ADGRD1: variants seen among roughly 807,000 people sequenced by gnomAD.
ADGRD1 encodes G-protein coupled receptor 133.
ADGRD1 carries 77 observed loss-of-function variants against 113.4 expected under a neutral mutation model. The ratio of observed to expected loss-of-function variants is 0.68; its 90% CI spans 0.57 to 0.82. ADGRD1 has a LOEUF of 0.82. ADGRD1 is among the 40% of genes least tolerant of loss of function. The pLI, the probability that ADGRD1 is intolerant of heterozygous loss-of-function variation, is 0.00. For missense variants in ADGRD1, 1,036 were observed against 1,139.1 expected (o/e 0.91, Z 1.30); for synonymous variants, 474 against 475.0 (o/e 1.00, Z 0.03).
chr12:131,070,190 G>A (rs1156883215), intron 13 of ADGRD1: 1 of 152,544 alleles, frequency 6.6e-6, no homozygotes, highest in Non-Finnish European at 1.5e-5. Context: ...CTTAGCGTTG[G>A]GGGACCTGTC....
At chr12:130,988,836 A>T (rs910331925) in intron 6 of ADGRD1, 1 of 152,244 alleles carries the variant, frequency 6.6e-6, no homozygotes, top group Non-Finnish European at 1.5e-5. Context: ...ACATTTATCC[A>T]TGCACCTTCC....
chr12:131,095,090 A>C (rs1199108215), intron 15 of ADGRD1, among the ~76,000 whole-genome samples: 5 of 152,058 alleles, frequency 3.3e-5, no homozygotes, highest in African/African-American at 1.2e-4. Context: ...AACAGGGCTG[A>C]CACCTGCCAC....
intron 17 of ADGRD1, among the ~76,000 whole-genome samples, 163 bp from the exon 18 acceptor site, chr12:131,108,561 A>C (rs182689016): frequency 6.6e-5 from 10 of 152,212 alleles, no homozygotes; most frequent in African/African-American, 1.9e-4. Flanking sequence ...CAAGCGCTAC[A>C]CCCAAATCCC....
chr12:131,028,737 C>T (rs564666813), intron 13 of ADGRD1, among the ~76,000 whole-genome samples: 58 of 152,276 alleles, frequency 3.8e-4, no homozygotes, highest in Middle Eastern at 3.4e-3. Flanking sequence ...CCGTCAGTCA[C>T]GGGAGGGGCG....
At chr12:131,002,975 A>G in intron 9 of ADGRD1, 1 of 716,892 alleles carries the variant, frequency 1.4e-6, no homozygotes, top group Non-Finnish European at 2.4e-6. Context: ...TGATGGGTCC[A>G]CCTGGGCTGT....
At position 130,984,339 on chromosome 12, in the gene ADGRD1, C is replaced by G. The variant is rs1356972053; in HGVS notation, c.490+2276C>G. ...ACCTCGTGATGGGGCAGCCGCCCTT[C>G]CACGCACTGCAGTCAGCACAGAAGC... On this transcript the variant is annotated intron_variant, in intron 5 of 24. Coordinates refer to ENST00000261654, the MANE Select transcript of ADGRD1 (RefSeq NM_198827.5). The surrounding 1 kb of genome is among the most constrained non-coding windows in gnomAD (Gnocchi z 4.1). Among the ~76,000 whole-genome samples the G allele has an allele frequency of 2.0e-5, 3 of 152,182 alleles. No individual in the cohort carries two copies. Among genetic ancestry groups the G allele is most frequent in the Non-Finnish European group, 2.9e-5 (2 of 68,036 alleles).
At chr12:131,083,703 C>T (rs1886240873) in intron 14 of ADGRD1, among the ~76,000 whole-genome samples, 1 of 152,226 alleles carries the variant, frequency 6.6e-6, no homozygotes, top group African/African-American at 2.4e-5. Context: ...CCACAGTTAA[C>T]CGAGAGCACG....
In ADGRD1 at chr12:130,965,924, T is replaced by C. The variant is rs1870950240; in HGVS notation, c.104-539T>C. Among the ~76,000 whole-genome samples the C allele has an allele frequency of 6.6e-6, 1 of 152,190 alleles. No homozygotes were observed. The highest frequency in any genetic ancestry group is 1.9e-4 in the East Asian group (1 of 5,198). On this transcript the variant is annotated intron_variant, in intron 2 of 24. Coordinates refer to ENST00000261654, the MANE Select transcript of ADGRD1 (RefSeq NM_198827.5). This position sits in a 1 kb window ranked among gnomAD's most constrained non-coding sequence, Gnocchi z 4.8. ...GTGTGATTTTGTGCAAGACTTTCAT[T>C]TCCTGTCTTTACAAATAGGCTAAGA...
rs368460791 is a variant in ADGRD1 at position 131,058,689 on chromosome 12, C to T, written c.1474-18112C>T. ...TTCCTCCAGCTCTTGAGAGAGGCCG[C>T]TCCCTTCCATCCTCAGCAGTTTCTG... On this transcript the variant is annotated intron_variant, in intron 13 of 24. Transcript: ENST00000261654. 5.3e-5 allele frequency among the ~76,000 whole-genome samples: 8 copies of T among 152,206 alleles called. No homozygotes were observed. In the East Asian group the frequency reaches 1.5e-3, roughly 29 times the overall value.
chr12:131,108,871 G>C lies in ADGRD1; in HGVS notation c.2035G>C (p.Gly679Arg). The change falls in exon 18 of 25, where the codon GGA becomes CGA. Residue 679 changes from glycine (G) to arginine (R), a missense_variant. Coordinates refer to ENST00000261654, the MANE Select transcript of ADGRD1 (RefSeq NM_198827.5). ...CAAGCACCGTTACTACTATGGGATG[G>C]GATGGGGTAGGTGGGGCAGGGCAGG... is the stretch of plus-strand genomic sequence containing the variant. ...DSKHRYYYGM[G>R]WGFPLLICII... The C allele has an allele frequency of 1.2e-6, 2 of 1,607,544 alleles. No homozygotes were observed. The highest frequency in any genetic ancestry group is 1.7e-6 in the Non-Finnish European group (2 of 1,175,616).
At chr12:131,012,489 G>A (rs1053442763) in intron 12 of ADGRD1, among the ~76,000 whole-genome samples, 1 of 152,160 alleles carries the variant, frequency 6.6e-6, no homozygotes, top group African/African-American at 2.4e-5. Context: ...AACAGACAGG[G>A]TGTTCATTCT....
chr12:131,023,381 C>G (rs935929849), intron 13 of ADGRD1: 14 of 152,084 alleles, frequency 9.2e-5, no homozygotes, highest in African/African-American at 3.1e-4. Context: ...AGGCTTCCTC[C>G]GAGCCACGGC....
At chr12:131,072,751 G>A (rs1885286438) in intron 13 of ADGRD1, among the ~76,000 whole-genome samples, 1 of 152,238 alleles carries the variant, frequency 6.6e-6, no homozygotes, top group South Asian at 2.1e-4. Flanking sequence ...GGGGTGTCAT[G>A]TTCCAGGGCC....
chr12:131,136,322 A>G (rs564596367), intron 22 of ADGRD1, among the ~76,000 whole-genome samples, 159 bp downstream of exon 22: 2 of 152,300 alleles, frequency 1.3e-5, no homozygotes, highest in African/African-American at 2.4e-5. Context: ...GGACTCTCAG[A>G]AAGTGGGGCC....
chr12:131,132,972 A>G (rs1950976222), intron 21 of ADGRD1, among the ~76,000 whole-genome samples: 1 of 152,196 alleles, frequency 6.6e-6, no homozygotes, highest in South Asian at 2.1e-4. Context: ...ATGAATTCCA[A>G]ACACCATAAA....
At chr12:130,974,458 G>A (rs1872067778) in intron 4 of ADGRD1, among the ~76,000 whole-genome samples, 1 of 152,166 alleles carries the variant, frequency 6.6e-6, no homozygotes, top group Non-Finnish European at 1.5e-5. Context: ...CATAATTCAG[G>A]TGTTATTCAG....
In ADGRD1 at chr12:130,969,084, T is replaced by C. The variant is rs116356936; in HGVS notation, c.188-2374T>C. The C allele has an allele frequency of 1.8e-4, 259 of 1,410,916 alleles. No homozygotes were observed. The African/African-American group carries it at 3.3e-3, about 18-fold the overall frequency. The allele number at this position is 1,410,916 out of a possible 1,614,324, so 87.4% of individuals were successfully genotyped here. A position where few individuals can be genotyped will look rare whatever the true frequency, so the allele number is the denominator to read the frequency against. ...CTCTGCAACTGTAGGTGAGCATTTA[T>C]GTACTTTTGTTCTTCGTTCTGTCAA... On this transcript the variant is annotated intron_variant, in intron 3 of 24. Transcript: ENST00000261654.
intron 21 of ADGRD1, 55 bp from the exon 22 acceptor site, chr12:131,135,982 A>T: frequency 6.2e-7 from 1 of 1,604,194 alleles, no homozygotes; most frequent in Non-Finnish European, 8.5e-7. Context: ...GGCAGTCCTC[A>T]CAGCCTGCAC....
chr12:131,031,875 G>A (rs568113488), intron 13 of ADGRD1, among the ~76,000 whole-genome samples: 76 of 152,272 alleles, frequency 5.0e-4, no homozygotes, highest in African/African-American at 1.7e-3. Context: ...CCTCGTCCCC[G>A]CACATGCCAG....
Sources: gnomAD v4.1 joint callset for allele counts (sites outside exome capture counted in the v4.1 genomes callset) on GRCh38, gnomAD v4.1.1 for gene constraint, Gnocchi (gnomAD v3.1) non-coding constraint, MANE v1.5 for transcripts, NCBI Gene and HGNC (gene_info 2026-07-23, HGNC 2026-07-21) for gene names.